PKN3: variants seen among roughly 807,000 people sequenced by gnomAD.
PKN3 encodes the protein protein kinase N3, also known as serine/threonine-protein kinase N3.
PKN3 carries 91 observed loss-of-function variants against 113.1 expected under a neutral mutation model. The observed-to-expected ratio is 0.80, with a 90% CI of 0.68 to 0.96. PKN3 has a LOEUF of 0.96. PKN3 is among the 40% of genes least tolerant of loss of function. The pLI is 0.00. For synonymous variants in PKN3, 467 were observed against 499.0 expected (o/e 0.94, Z 0.85); for missense variants, 1,052 against 1,202.2 (o/e 0.88, Z 1.85).
At chr9:128,704,115 A>T in intron 1 of PKN3, 1 of 985,356 alleles carries the variant, frequency 1.0e-6, no homozygotes, top group African/African-American at 1.7e-5. Flanking sequence ...TCAGGAGAAG[A>T]TGGAACACAG....
chr9:128,704,328 A>T (rs1310908438), intron 1 of PKN3, among the ~76,000 whole-genome samples: 1 of 151,568 alleles, frequency 6.6e-6, no homozygotes, highest in East Asian at 1.9e-4. Context: ...GCACCCGGAG[A>T]CCTCCCCAGT....
chr9:128,713,524 A>C lies in PKN3; in HGVS notation c.1118A>C (p.His373Pro). 6.2e-7 allele frequency: 1 copy of C among 1,613,780 alleles called. No individual in the cohort carries two copies. Among genetic ancestry groups the C allele is most frequent in the Non-Finnish European group, 8.5e-7 (1 of 1,179,954 alleles). ...ERARELEIGVHWRDWRQLCGV... is the reference protein window; with the variant it reads ...ERARELEIGVPWRDWRQLCGV... ...GCCCGTGAGCTGGAGATTGGGGTACACTGGCGGGACTGGCGGCAGCTATGT... is the reference window on the plus strand; with the variant it reads ...GCCCGTGAGCTGGAGATTGGGGTACCCTGGCGGGACTGGCGGCAGCTATGT... The change falls in exon 9 of 22, where the codon CAC becomes CCC. Residue 373 changes from histidine (H) to proline (P), a missense_variant. Physicochemically the swap from His to Pro is moderately conservative, Grantham distance 77. This residue lies in a region of PKN3 where 719 missense variants were observed against 759.4 expected (regional missense o/e 0.95). Coordinates refer to ENST00000291906, the MANE Select transcript of PKN3 (RefSeq NM_013355.5).
chr9:128,710,919 A>C (rs1034269462), intron 6 of PKN3, among the ~76,000 whole-genome samples: 2 of 151,916 alleles, frequency 1.3e-5, no homozygotes, highest in Non-Finnish European at 2.9e-5. Flanking sequence ...GAAGTCAACT[A>C]CTCAAGGCCA....
chr9:128,702,646 G>T lies in PKN3; in HGVS notation c.-270G>T. 2.4e-6 allele frequency: 1 copy of T among 418,226 alleles called. No individual in the cohort carries two copies. 25.9% of individuals were successfully genotyped at this position (418,226 alleles called of 1,614,324 possible). A position where few individuals can be genotyped will look rare whatever the true frequency, so the allele number is the denominator to read the frequency against. On this transcript the variant is annotated 5_prime_UTR_variant, in exon 1 of 22. Transcript: ENST00000291906. ...GCGGGAACCGCAGGCGCCGAAGCCC[G>T]GGTACTGGGCCCAGAATCCCGCGGA... is the stretch of plus-strand genomic sequence containing the variant.
chr9:128,707,062 G>A (rs540590066), intron 5 of PKN3, 39 bp downstream of exon 5: 21 of 1,612,978 alleles, frequency 1.3e-5, no homozygotes, highest in Non-Finnish European at 1.7e-5. Context: ...AGGCTGGCTT[G>A]TTCCCATACC....
chr9:128,703,208 A>T (rs1462035740), intron 1 of PKN3, among the ~76,000 whole-genome samples: 2 of 152,234 alleles, frequency 1.3e-5, no homozygotes. Flanking sequence ...AGGACGGCTG[A>T]GTCCGCAGTG....
Position 128,714,123 on chromosome 9 carries a change from T to C in PKN3, c.1312+2T>C. On this transcript the variant is annotated splice_donor_variant, in intron 10 of 21. Transcript: ENST00000291906. LOFTEE classifies it high-confidence loss of function. ...AACGCATCTTCTCTAAACGCAGAGG[T>C]GTGGAGGGAATGGGGGCTATGTGTG... 2 of 1,613,854 alleles carry C rather than the reference T, an allele frequency of 1.2e-6. No individual in the cohort carries two copies. Among genetic ancestry groups the C allele is most frequent in the South Asian group, 1.1e-5 (1 of 91,058 alleles).
In PKN3 at chr9:128,715,307, G is replaced by C; in HGVS notation, c.1717-62G>C. The stretch of plus-strand genomic sequence containing the variant: ...CACATGAGCCGGGAGGACCTGATCT[G>C]TGGGGGCGGTAAAGGCTCCCTGGTC... On this transcript the variant is annotated intron_variant, in intron 14 of 21. Coordinates refer to ENST00000291906, the MANE Select transcript of PKN3 (RefSeq NM_013355.5). This position sits in a 1 kb window ranked among gnomAD's most constrained non-coding sequence, Gnocchi z 4.1. The C allele has an allele frequency of 6.2e-7, 1 of 1,606,868 alleles. No individual in the cohort carries two copies. Among genetic ancestry groups the C allele is most frequent in the Non-Finnish European group, 8.5e-7 (1 of 1,173,520 alleles).
chr9:128,706,922 C>T lies in PKN3; in HGVS notation c.550C>T (p.Gln184Ter), dbSNP rs1862036648. 3 of 1,614,208 alleles carry T rather than the reference C, an allele frequency of 1.9e-6. No homozygotes were observed. Among genetic ancestry groups the T allele is most frequent in the East Asian group, 4.5e-5 (2 of 44,890 alleles). Residue 184 changes from glutamine to a stop codon, truncating the protein, a stop_gained, in exon 5 of 22, where the codon CAG (glutamine) becomes TAG (stop). Coordinates refer to ENST00000291906, the MANE Select transcript of PKN3 (RefSeq NM_013355.5). LOFTEE classifies it high-confidence loss of function. ...PGPELLAEELQHRLHVEAAVA... is the reference protein window; with the variant it reads ...PGPELLAEEL The stretch of plus-strand genomic sequence containing the variant: ...GCCTGAGCTGCTGGCGGAGGAGCTA[C>T]AGCATCGACTGCACGTTGAGGCAGC...
chr9:128,715,153 A>G lies in PKN3; in HGVS notation c.1653-19A>G, dbSNP rs762406689. The G allele has an allele frequency of 1.1e-4, 175 of 1,611,516 alleles. No homozygotes were observed. The highest frequency in any genetic ancestry group is 1.4e-4 in the Non-Finnish European group (166 of 1,178,782). Reference sequence around the variant, plus strand: ...GCCAGTGCCCTAGGGGACTTCATATACCCTCTCTTCCTTTGCAGGAAACCC... The same window carrying G: ...GCCAGTGCCCTAGGGGACTTCATATGCCCTCTCTTCCTTTGCAGGAAACCC... On this transcript the variant is annotated intron_variant, in intron 13 of 21. Transcript: ENST00000291906. The surrounding 1 kb of genome is among the most constrained non-coding windows in gnomAD (Gnocchi z 4.1).
Position 128,702,649 on chromosome 9 carries a change from T to C in PKN3, c.-267T>C, listed in dbSNP as rs1861887893. 1 of 421,022 alleles carries C rather than the reference T, an allele frequency of 2.4e-6. No homozygotes were observed. Among genetic ancestry groups the C allele is most frequent in the African/African-American group, 2.1e-5 (1 of 47,470 alleles). 26.1% of individuals were successfully genotyped at this position (421,022 alleles called of 1,614,324 possible). A position where few individuals can be genotyped will look rare whatever the true frequency, so the allele number is the denominator to read the frequency against. On this transcript the variant is annotated 5_prime_UTR_variant, in exon 1 of 22. Transcript: ENST00000291906. ...GGAACCGCAGGCGCCGAAGCCCGGGTACTGGGCCCAGAATCCCGCGGAATT... is the reference window on the plus strand; with the variant it reads ...GGAACCGCAGGCGCCGAAGCCCGGGCACTGGGCCCAGAATCCCGCGGAATT...
Position 128,705,860 on chromosome 9 carries a change from G to A in PKN3, c.392G>A (p.Cys131Tyr). The stretch of plus-strand genomic sequence containing the variant: ...GGGGCTGAGAACATGACCCACACGT[G>A]CGCCAGTGGCACCCCCAAGGTAAGG... The part of the protein sequence containing the change: ...KQGAENMTHT[C>Y]ASGTPKERKL... The change falls in exon 3 of 22, where the codon TGC (cysteine) becomes TAC (tyrosine). Residue 131 changes from cysteine (C) to tyrosine (Y), a missense_variant. Physicochemically the swap from Cys to Tyr is radical, Grantham distance 194 (BLOSUM62 -2). Coordinates refer to ENST00000291906, the MANE Select transcript of PKN3 (RefSeq NM_013355.5). The A allele has an allele frequency of 1.3e-6, 2 of 1,599,020 alleles. No individual in the cohort carries two copies. Among genetic ancestry groups the A allele is most frequent in the Non-Finnish European group, 1.7e-6 (2 of 1,170,334 alleles).
intron 15 of PKN3, among the ~76,000 whole-genome samples, chr9:128,716,490 C>T (rs1035322566): frequency 3.3e-5 from 5 of 151,456 alleles, no homozygotes; most frequent in African/African-American, 4.9e-5. Flanking sequence ...CCCAGCTACT[C>T]GGGAGGCTGA....
intron 1 of PKN3, chr9:128,704,272 C>A: frequency 2.1e-6 from 1 of 484,592 alleles, no homozygotes; most frequent in Non-Finnish European, 2.7e-6. Flanking sequence ...TGGGTGAAGC[C>A]GTGAGAGAGC....
At chr9:128,712,926 C>T in intron 6 of PKN3, 126 bp from the exon 7 acceptor site, 1 of 986,586 alleles carries the variant, frequency 1.0e-6, no homozygotes, top group Admixed American at 2.3e-5. Context: ...GCCCTGGCCT[C>T]AGGTGGGTAC....
At position 128,702,808 on chromosome 9, in the gene PKN3, C is replaced by T. The variant is rs1394127516; in HGVS notation, c.-108C>T. 22 of 840,188 alleles carry T rather than the reference C, an allele frequency of 2.6e-5. 1 individual carries two copies. The East Asian group carries it at 7.2e-4, about 27-fold the overall frequency. 52.0% of individuals were successfully genotyped at this position (840,188 alleles called of 1,614,324 possible). On this transcript the variant is annotated 5_prime_UTR_variant, in exon 1 of 22. Coordinates refer to ENST00000291906, the MANE Select transcript of PKN3 (RefSeq NM_013355.5). ...GAGGGGGCGCCCGATCCCGCGTCTCCGGCGCCGCTTCCCGGGAAGTTTCAA... is the reference window on the plus strand; with the variant it reads ...GAGGGGGCGCCCGATCCCGCGTCTCTGGCGCCGCTTCCCGGGAAGTTTCAA...
chr9:128,705,967 A>G (rs1341047544), intron 3 of PKN3, 88 bp downstream of exon 3: 3 of 1,341,642 alleles, frequency 2.2e-6, no homozygotes, highest in Non-Finnish European at 3.0e-6. Context: ...ATAAGGAGAC[A>G]CCATTCCAGC....
Position 128,720,309 on chromosome 9 carries a change from C to T in PKN3, c.2457+26C>T. 6.2e-7 allele frequency: 1 copy of T among 1,612,480 alleles called. No individual in the cohort carries two copies. The highest frequency in any genetic ancestry group is 8.5e-7 in the Non-Finnish European group (1 of 1,179,036). On this transcript the variant is annotated intron_variant, in intron 21 of 21. Transcript: ENST00000291906. This position sits in a 1 kb window ranked among gnomAD's most constrained non-coding sequence, Gnocchi z 5.5. ...GTGAGCGGCTGGGGTGGCGGTGGTC[C>T]CCTGTGCCTGGCAGGGTAGGTGGCA...
intron 6 of PKN3, among the ~76,000 whole-genome samples, chr9:128,711,098 C>T (rs1034471644): frequency 1.3e-4 from 20 of 151,262 alleles, no homozygotes; most frequent in South Asian, 4.2e-4. Flanking sequence ...CTCCGCCTCC[C>T]GGGTTCAAGC....
Sources: allele counts gnomAD v4.1 joint callset (sites outside exome capture counted in the v4.1 genomes callset), GRCh38; gene constraint gnomAD v4.1.1; regional missense constraint gnomAD v4.1.1; non-coding constraint Gnocchi (gnomAD v3.1); transcripts MANE v1.5; gene names NCBI Gene and HGNC (gene_info 2026-07-23, HGNC 2026-07-21).